ABCC1: variants seen among roughly 807,000 people sequenced by gnomAD.
ABCC1 encodes the protein ATP binding cassette subfamily C member 1 (ABCC1 blood group), also known as multidrug resistance-associated protein 1.
In ABCC1, 83 loss-of-function variants were observed where a neutral mutation model predicts 172.9. That is an observed-to-expected ratio of 0.48 (90% confidence interval 0.40 to 0.58). The LOEUF (loss-of-function observed/expected upper bound fraction) is 0.58, where lower values mean the gene tolerates loss of function less well. Ranked by LOEUF, ABCC1 falls within the 20% of genes least tolerant of loss-of-function variation. The pLI, the probability that ABCC1 is intolerant of heterozygous loss-of-function variation, is 0.00. For synonymous variants in ABCC1, 937 were observed against 825.2 expected (o/e 1.14, Z -2.32); for missense variants, 1,817 against 2,002.7 (o/e 0.91, Z 1.77).
chr16:16,052,702 A>AG, intron 10 of ABCC1, 22 bp from the exon 11 acceptor site: 1 of 1,611,684 alleles, frequency 6.2e-7, no homozygotes. Context: ...TGAGTGATGA[A>AG]GAGTCTCCTT....
Position 16,056,286 on chromosome 16 carries a change from G to A in ABCC1, c.1668G>A (p.Thr556=), listed in dbSNP as rs763358768. ...SAVGTFTWVC[T]PFLVALCTFA... Reference sequence around the variant, plus strand: ...TGGGCACCTTCACCTGGGTCTGCACGCCCTTTCTGGTGAGTGAAGCCACAT... The same window carrying A: ...TGGGCACCTTCACCTGGGTCTGCACACCCTTTCTGGTGAGTGAAGCCACAT... The change falls in exon 12 of 31, where the codon ACG becomes ACA. Residue 556 remains threonine, a synonymous_variant. Coordinates refer to ENST00000399410, the MANE Select transcript of ABCC1 (RefSeq NM_004996.4). 28 of 1,614,060 alleles carry A rather than the reference G, an allele frequency of 1.7e-5. No homozygotes were observed. Among genetic ancestry groups the A allele is most frequent in the East Asian group, 8.9e-5 (4 of 44,886 alleles).
rs775997638 is a variant in ABCC1 at position 16,090,557 on chromosome 16, C to T, written c.2613C>T (p.Ser871=). The change falls in exon 19 of 31, where the codon AGC becomes AGT. Residue 871 remains serine, a synonymous_variant. Transcript: ENST00000399410. ...AFAEFLRTYA[S]TEQEQDAEEN... is the part of the protein sequence containing the mutation. The stretch of plus-strand genomic sequence containing the variant: ...CTGAGTTCCTGCGTACCTATGCCAG[C>T]ACAGAGCAGGAGCAGGATGCAGAGG... The T allele has an allele frequency of 6.2e-7, 1 of 1,611,560 alleles. No individual in the cohort carries two copies. Among genetic ancestry groups the T allele is most frequent in the Non-Finnish European group, 8.5e-7 (1 of 1,178,470 alleles).
chr16:16,083,942 C>T (rs992208941), intron 17 of ABCC1, among the ~76,000 whole-genome samples: 2 of 152,150 alleles, frequency 1.3e-5, no homozygotes, highest in Admixed American at 1.3e-4. Flanking sequence ...CCTTTGTGGT[C>T]ACATGACTGC....
chr16:15,991,260 G>A (rs2046859429), intron 1 of ABCC1, among the ~76,000 whole-genome samples: 1 of 151,902 alleles, frequency 6.6e-6, no homozygotes, highest in Non-Finnish European at 1.5e-5. Flanking sequence ...CCTCTAAATC[G>A]CAGGGAAGCT....
intron 1 of ABCC1, among the ~76,000 whole-genome samples, chr16:15,981,914 ATC>A (rs1184532001): frequency 1.3e-5 from 2 of 152,116 alleles, no homozygotes; most frequent in Non-Finnish European, 2.9e-5. Flanking sequence ...CATCTAAATC[ATC>A]TCTCTCAAGT....
At chr16:16,140,385 G>C (rs2046082168) in intron 30 of ABCC1, among the ~76,000 whole-genome samples, 1 of 152,172 alleles carries the variant, frequency 6.6e-6, no homozygotes, top group Admixed American at 6.5e-5. Flanking sequence ...GTCTCACCCT[G>C]TCGCCCAGGC....
chr16:16,027,958 A>G (rs140509358), intron 5 of ABCC1, among the ~76,000 whole-genome samples: 61 of 152,120 alleles, frequency 4.0e-4, no homozygotes, highest in African/African-American at 1.4e-3. Flanking sequence ...AGTACTTACC[A>G]TGTTTGATCT....
rs769220253 is a variant in ABCC1 at position 16,131,813 on chromosome 16, G to C, written c.3844G>C (p.Ala1282Pro). 1 of 1,613,944 alleles carries C rather than the reference G, an allele frequency of 6.2e-7. No individual in the cohort carries two copies. Among genetic ancestry groups the C allele is most frequent in the Non-Finnish European group, 8.5e-7 (1 of 1,179,982 alleles). ...GGCGCCCTGGCAAATCCAGGAGACA[G>C]CTCCGCCCAGCAGCTGGCCCCAGGT... ...KEAPWQIQET[A>P]PPSSWPQVGR... Residue 1282 changes from alanine to proline, a missense_variant, in exon 27 of 31, where the codon GCT (alanine) becomes CCT (proline). By Grantham distance (27) the Ala-to-Pro change is conservative. Coordinates refer to ENST00000399410, the MANE Select transcript of ABCC1 (RefSeq NM_004996.4).
At chr16:16,012,994 T>TCA (rs2047849433) in intron 3 of ABCC1, among the ~76,000 whole-genome samples, 1 of 152,066 alleles carries the variant, frequency 6.6e-6, no homozygotes, top group Non-Finnish European at 1.5e-5. Flanking sequence ...TTCCTGGTCT[T>TCA]TTGATCGTTC....
intron 3 of ABCC1, among the ~76,000 whole-genome samples, chr16:16,014,125 T>A (rs1177358001): frequency 2.0e-5 from 3 of 152,162 alleles, no homozygotes; most frequent in African/African-American, 7.2e-5. Flanking sequence ...GCCCATGAAG[T>A]CCAAAATATT....
In ABCC1 at chr16:16,091,940, G is replaced by A. The variant is rs188849393; in HGVS notation, c.2644+1352G>A. Among the ~76,000 whole-genome samples, 178 of 152,186 alleles carry A rather than the reference G, an allele frequency of 1.2e-3. 3 individuals carry two copies. Among genetic ancestry groups the A allele is most frequent in the Admixed American group, 0.01 (157 of 15,294 alleles). ...TCTCTAATAAGTGCTTTCTTGAGAT[G>A]TAATTCACACACGTAGGCTGGGCGC... On this transcript the variant is annotated intron_variant, in intron 19 of 30. Coordinates refer to ENST00000399410, the MANE Select transcript of ABCC1 (RefSeq NM_004996.4).
At chr16:16,098,305 C>T (rs900818393) in intron 19 of ABCC1, 1 of 163,540 alleles carries the variant, frequency 6.1e-6, no homozygotes, top group African/African-American at 2.4e-5. Context: ...ATTTGTTTAG[C>T]TCTATTTATG....
intron 12 of ABCC1, among the ~76,000 whole-genome samples, chr16:16,059,952 C>T (rs1012135530): frequency 2.0e-5 from 3 of 151,828 alleles, no homozygotes; most frequent in Admixed American, 1.3e-4. Context: ...GCTGAGGTCA[C>T]GCCACTGCAC....
chr16:15,993,300 G>T (rs2046938174), intron 1 of ABCC1, among the ~76,000 whole-genome samples: 2 of 152,166 alleles, frequency 1.3e-5, no homozygotes, highest in South Asian at 4.1e-4. Context: ...TGGCTGCCGG[G>T]AACACCAGCT....
rs1242368862 is a variant in ABCC1 at position 16,052,075 on chromosome 16, C to CA, written c.1381-642dup. 5.9e-5 allele frequency among the ~76,000 whole-genome samples: 9 copies of CA among 151,992 alleles called. No homozygotes were observed. The South Asian group carries it at 1.5e-3, about 25-fold the overall frequency. On this transcript the variant is annotated intron_variant, in intron 10 of 30. Coordinates refer to ENST00000399410, the MANE Select transcript of ABCC1 (RefSeq NM_004996.4). ...GTGAGACCTTGTCTCTACAAAAAAT[C>CA]AAAAAAATAGCTGGGCATGGTGGTG...
intron 5 of ABCC1, among the ~76,000 whole-genome samples, chr16:16,022,731 A>AT (rs1233567745): frequency 2.0e-5 from 3 of 152,092 alleles, no homozygotes; most frequent in Non-Finnish European, 4.4e-5. Context: ...AATATGTAAT[A>AT]TTTTCCCCCC....
intron 16 of ABCC1, among the ~76,000 whole-genome samples, chr16:16,081,411 A>G (rs539037401): frequency 2.0e-5 from 3 of 152,342 alleles, no homozygotes; most frequent in South Asian, 4.1e-4. Flanking sequence ...CCTTAACCCC[A>G]GCTTTCTGCT....
At chr16:16,110,064 G>T (rs533469145) in intron 21 of ABCC1, among the ~76,000 whole-genome samples, 1 of 151,180 alleles carries the variant, frequency 6.6e-6, no homozygotes, top group African/African-American at 2.4e-5. Flanking sequence ...GCACATGCTG[G>T]TTCTGCCACC....
chr16:16,034,085 C>T lies in ABCC1; in HGVS notation c.677+915C>T, dbSNP rs533138846. On this transcript the variant is annotated intron_variant, in intron 6 of 30. Transcript: ENST00000399410. ...CTCTGTCGCTGAGGCTGGAGTGCAG[C>T]GGCACACTTGTAGCTCACTGCAGTC... is the stretch of plus-strand genomic sequence containing the variant. Among the ~76,000 whole-genome samples, 14 of 123,684 alleles carry T rather than the reference C, an allele frequency of 1.1e-4. No individual in the cohort carries two copies. In the South Asian group the frequency reaches 1.8e-3, roughly 16 times the overall value. 81.1% of individuals were successfully genotyped at this position (123,684 alleles called of 152,430 possible). A position where few individuals can be genotyped will look rare whatever the true frequency, so the allele number is the denominator to read the frequency against.
Sources: gnomAD v4.1 joint callset for allele counts (sites outside exome capture counted in the v4.1 genomes callset) on GRCh38, gnomAD v4.1.1 for gene constraint, MANE v1.5 for transcripts, NCBI Gene and HGNC (gene_info 2026-07-23, HGNC 2026-07-21) for gene names.